FLOT2: variants seen among roughly 807,000 people sequenced by gnomAD.
FLOT2 encodes the protein flotillin-2.
FLOT2 carries 35 observed loss-of-function variants against 54.9 expected under a neutral mutation model. The observed-to-expected ratio is 0.64, with a 90% CI of 0.49 to 0.84. The LOEUF is 0.84. FLOT2 is among the 40% of genes least tolerant of loss of function. FLOT2 has a pLI of 0.00. For synonymous variants in FLOT2, 207 were observed against 228.9 expected, an observed-to-expected ratio of 0.90 and a Z score of 0.86; for missense variants, 464 against 572.1, an observed-to-expected ratio of 0.81 and a Z score of 1.93.
In FLOT2 at chr17:28,897,454, C is replaced by T. The variant is rs1277673160; in HGVS notation, c.49+72G>A. 8 of 1,427,072 alleles carry T rather than the reference C, an allele frequency of 5.6e-6. No individual in the cohort carries two copies. Among genetic ancestry groups the T allele is most frequent in the East Asian group, 2.8e-5 (1 of 35,346 alleles). 88.4% of individuals were successfully genotyped at this position (1,427,072 alleles called of 1,614,324 possible). A position where few individuals can be genotyped will look rare whatever the true frequency, so the allele number is the denominator to read the frequency against. On this transcript the variant is annotated intron_variant, in intron 1 of 10. Transcript: ENST00000394908. The surrounding 1 kb of genome is among the most constrained non-coding windows in gnomAD (Gnocchi z 4.4). ...CGGTGGACTCAGGCCCAGCTCTTCCCCGTGCACTCCCCAGCCCTGCACCCA... is the reference window on the plus strand; with the variant it reads ...CGGTGGACTCAGGCCCAGCTCTTCCTCGTGCACTCCCCAGCCCTGCACCCA...
rs201936801 is a variant in FLOT2 at position 28,880,727 on chromosome 17, C to A, written c.1234G>T (p.Val412Leu). 5.6e-6 allele frequency: 9 copies of A among 1,614,114 alleles called. No individual in the cohort carries two copies. The highest frequency in any genetic ancestry group is 6.8e-6 in the Non-Finnish European group (8 of 1,180,046). Residue 412 changes from valine to leucine, a missense_variant, in exon 10 of 11, where the codon GTG (valine) becomes TTG (leucine). Val to Leu is a conservative substitution (Grantham distance 32). Coordinates refer to ENST00000394908, the MANE Select transcript of FLOT2 (RefSeq NM_004475.3). ...CAGGCACATACCTTAGACAGGTCCA[C>A]GCCTGTGAGGGCATGCACAGAGGCA... is the stretch of plus-strand genomic sequence containing the variant. ...LPASVHALTG[V>L]DLSKIPLIKK...
rs564941151 is a variant in FLOT2 at position 28,883,271 on chromosome 17, G to A, written c.223-40C>T. 1.4e-5 allele frequency: 23 copies of A among 1,612,388 alleles called. No homozygotes were observed. The highest frequency in any genetic ancestry group is 1.1e-4 in the East Asian group (5 of 44,872). On this transcript the variant is annotated intron_variant, in intron 3 of 10. Coordinates refer to ENST00000394908, the MANE Select transcript of FLOT2 (RefSeq NM_004475.3). This position sits in a 1 kb window ranked among gnomAD's most constrained non-coding sequence, Gnocchi z 5.0. Reference sequence around the variant, plus strand: ...AAAGGCGCTTCAGCTAGGCTGGAGCGAGGCAGACAAAGGCCCCAGACCCAG... The same window carrying A: ...AAAGGCGCTTCAGCTAGGCTGGAGCAAGGCAGACAAAGGCCCCAGACCCAG...
chr17:28,881,781 A>G lies in FLOT2; in HGVS notation c.914+33T>C, dbSNP rs756752672. The G allele has an allele frequency of 3.8e-5, 60 of 1,599,962 alleles. No homozygotes were observed. In the Admixed American group the frequency reaches 1.0e-3, roughly 27 times the overall value. ...GCACTGAAGGCAGAGGAGCCTGACT[A>G]AGCCCTGACCCCGGCACCTGGGCGG... On this transcript the variant is annotated intron_variant, in intron 8 of 10. Coordinates refer to ENST00000394908, the MANE Select transcript of FLOT2 (RefSeq NM_004475.3).
At position 28,883,537 on chromosome 17, in the gene FLOT2, G is replaced by T. The variant is rs2039492213; in HGVS notation, c.223-306C>A. ...CTCACCAGCTAATTCCTCCCTTGCA[G>T]GCTTCCTACACGTGGGAGACCCTCA... On this transcript the variant is annotated intron_variant, in intron 3 of 10. Coordinates refer to ENST00000394908, the MANE Select transcript of FLOT2 (RefSeq NM_004475.3). The surrounding 1 kb of genome is among the most constrained non-coding windows in gnomAD (Gnocchi z 5.0). 6.6e-6 allele frequency among the ~76,000 whole-genome samples: 1 copy of T among 152,166 alleles called. No individual in the cohort carries two copies.
chr17:28,882,406 C>A lies in FLOT2; in HGVS notation c.510G>T (p.Thr170=), dbSNP rs59926480. 16 of 1,613,992 alleles carry A rather than the reference C, an allele frequency of 9.9e-6. No individual in the cohort carries two copies. In the Admixed American group the frequency reaches 1.5e-4, roughly 15 times the overall value. The stretch of plus-strand genomic sequence containing the variant: ...CATCTCTCTGCACCACGGCAGTCTG[C>A]GTCTTGCCCAGGGAGCTCAGATAGT... ...KVDYLSSLGK[T]QTAVVQRDAD... Residue 170 remains threonine, a synonymous_variant, in exon 6 of 11, where the codon ACG becomes ACT. Transcript: ENST00000394908. This position sits in a 1 kb window ranked among gnomAD's most constrained non-coding sequence, Gnocchi z 5.6.
At chr17:28,887,758 G>A (rs563557858) in intron 2 of FLOT2, among the ~76,000 whole-genome samples, 2 of 152,340 alleles carry the variant, frequency 1.3e-5, no homozygotes, top group South Asian at 4.1e-4. Context: ...GCCCACTCAG[G>A]TGTGGCCAGG....
At position 28,888,956 on chromosome 17, in the gene FLOT2, G is replaced by C; in HGVS notation, c.120C>G (p.Ser40=). The C allele has an allele frequency of 6.2e-7, 1 of 1,614,008 alleles. No homozygotes were observed. The highest frequency in any genetic ancestry group is 8.5e-7 in the Non-Finnish European group (1 of 1,179,924). Residue 40 remains serine, a synonymous_variant, in exon 2 of 11, where the codon TCC becomes TCG. Transcript: ENST00000394908. Reference sequence around the variant, plus strand: ...CCCCAGGTGCTTACCTCTGAGTGTCGGAGATACACCACCAGGCCCAGGCCC... The same window carrying C: ...CCCCAGGTGCTTACCTCTGAGTGTCCGAGATACACCACCAGGCCCAGGCCC... ...GGWAWAWWCI[S]DTQRISLEIM...
chr17:28,880,270 C>T lies in FLOT2; in HGVS notation c.*291G>A, dbSNP rs777726287. ...TAATAAACATCTTCAGCTTAATCTA[C>T]ATGATGTGCATGGGGGAAAGAAAAA... On this transcript the variant is annotated 3_prime_UTR_variant, in exon 11 of 11. Transcript: ENST00000394908. The T allele has an allele frequency of 9.9e-5, 130 of 1,307,284 alleles. No individual in the cohort carries two copies. The highest frequency in any genetic ancestry group is 1.2e-4 in the Non-Finnish European group (127 of 1,025,230). The allele number at this position is 1,307,284 out of a possible 1,614,324, so 81.0% of individuals were successfully genotyped here.
rs2039424078 is a variant in FLOT2 at position 28,880,280 on chromosome 17, A to C, written c.*281T>G. On this transcript the variant is annotated 3_prime_UTR_variant, in exon 11 of 11. Transcript: ENST00000394908. ...CTTCAGCTTAATCTACATGATGTGC[A>C]TGGGGGAAAGAAAAAGACAGACAAA... The C allele has an allele frequency of 7.5e-7, 1 of 1,340,492 alleles. No individual in the cohort carries two copies. Among genetic ancestry groups the C allele is most frequent in the African/African-American group, 1.5e-5 (1 of 67,888 alleles). The allele number at this position is 1,340,492 out of a possible 1,614,324, so 83.0% of individuals were successfully genotyped here. A position where few individuals can be genotyped will look rare whatever the true frequency, so the allele number is the denominator to read the frequency against.
chr17:28,890,708 A>T (rs1343954767), intron 1 of FLOT2, among the ~76,000 whole-genome samples: 1 of 151,814 alleles, frequency 6.6e-6, no homozygotes, highest in Non-Finnish European at 1.5e-5. Flanking sequence ...CTTGTAGTGA[A>T]CTCTCTTGTT....
Position 28,880,493 on chromosome 17 carries a change from T to C in FLOT2, c.*68A>G, listed in dbSNP as rs562429674. 5 of 1,583,668 alleles carry C rather than the reference T, an allele frequency of 3.2e-6. No individual in the cohort carries two copies. The highest frequency in any genetic ancestry group is 1.8e-5 in the Admixed American group (1 of 56,038). ...AGAGTCAGTAACGTTCCCGTTGTTC[T>C]GTGGGATTAAAACGGGTGCTGGAGG... On this transcript the variant is annotated 3_prime_UTR_variant, in exon 11 of 11. Transcript: ENST00000394908.
chr17:28,887,015 AGAGG>A (rs150764360), intron 2 of FLOT2, among the ~76,000 whole-genome samples: 1 of 149,122 alleles, frequency 6.7e-6, no homozygotes, highest in Non-Finnish European at 1.5e-5. Context: ...GAAATAGGGG[AGAGG>A]GAGGGAGGGA....
At chr17:28,893,593 G>C (rs1324186956) in intron 1 of FLOT2, among the ~76,000 whole-genome samples, 1 of 152,168 alleles carries the variant, frequency 6.6e-6, no homozygotes, top group East Asian at 1.9e-4. Flanking sequence ...ACAGGGTCTC[G>C]CTGAGGGAAG....
In FLOT2 at chr17:28,888,936, G is replaced by C. The variant is rs1272192638; in HGVS notation, c.131+9C>G. On this transcript the variant is annotated intron_variant, in intron 2 of 10. Transcript: ENST00000394908. ...TCCATGACAGGTCCTAGAGCCCCCA[G>C]GTGCTTACCTCTGAGTGTCGGAGAT... The C allele has an allele frequency of 6.8e-6, 11 of 1,612,782 alleles. No homozygotes were observed. Among genetic ancestry groups the C allele is most frequent in the Non-Finnish European group, 8.5e-6 (10 of 1,179,036 alleles).
At chr17:28,891,151 G>A (rs1210672522) in intron 1 of FLOT2, among the ~76,000 whole-genome samples, 4 of 152,166 alleles carry the variant, frequency 2.6e-5, no homozygotes, top group Non-Finnish European at 5.9e-5. Context: ...AAAGTGCTGG[G>A]ATTACAGGCA....
chr17:28,881,141 T>G, intron 9 of FLOT2, 51 bp downstream of exon 9: 1 of 1,544,576 alleles, frequency 6.5e-7, no homozygotes, highest in Non-Finnish European at 8.8e-7. Flanking sequence ...TTGCCCAGCT[T>G]GTCAAGCAAG....
rs561171234 is a variant in FLOT2 at position 28,881,093 on chromosome 17, C to T, written c.1098+99G>A. On this transcript the variant is annotated intron_variant, in intron 9 of 10. Transcript: ENST00000394908. ...TCATTTAACCCTTCTAGCCATCTGT[C>T]CCTGTGTTACTCGCAAGGCCCAGAG... The T allele has an allele frequency of 7.4e-5, 88 of 1,183,000 alleles. No homozygotes were observed. The East Asian group carries it at 1.5e-3, about 21-fold the overall frequency. The allele number at this position is 1,183,000 out of a possible 1,614,324, so 73.3% of individuals were successfully genotyped here. A position where few individuals can be genotyped will look rare whatever the true frequency, so the allele number is the denominator to read the frequency against.
At chr17:28,881,766 C>G (rs758111918) in intron 8 of FLOT2, 48 bp downstream of exon 8, 2 of 1,553,508 alleles carry the variant, frequency 1.3e-6, no homozygotes, top group African/African-American at 2.7e-5. Context: ...GCACTGAAGG[C>G]AGAGGAGCCT....
intron 1 of FLOT2, among the ~76,000 whole-genome samples, chr17:28,890,093 G>A (rs1206118576): frequency 2.6e-5 from 4 of 152,212 alleles, no homozygotes; most frequent in Admixed American, 2.6e-4. Flanking sequence ...GAGAGGGTTT[G>A]CTCTTCTGCC....
Sources: gnomAD v4.1 joint callset for allele counts (sites outside exome capture counted in the v4.1 genomes callset) on GRCh38, gnomAD v4.1.1 for gene constraint, Gnocchi (gnomAD v3.1) non-coding constraint, MANE v1.5 for transcripts, NCBI Gene and HGNC (gene_info 2026-07-23, HGNC 2026-07-21) for gene names.